RBM6: variants seen among roughly 807,000 people sequenced by gnomAD.
RBM6 encodes the protein RNA binding motif protein 6, also known as RNA-binding protein 6.
RBM6 carries 23 observed loss-of-function variants against 140.4 expected under a neutral mutation model. That is an observed-to-expected ratio of 0.16 (90% confidence interval 0.12 to 0.23). The LOEUF (loss-of-function observed/expected upper bound fraction) is 0.23, where lower values mean the gene tolerates loss of function less well. Ranked by LOEUF, RBM6 falls within the 10% of genes least tolerant of loss-of-function variation. RBM6 has a pLI of 1.00. For missense variants in RBM6, 1,139 were observed against 1,386.7 expected (o/e 0.82, Z 2.84); for synonymous variants, 439 against 475.6 (o/e 0.92, Z 1.00).
chr3:50,075,025 G>C, intron 19 of RBM6, 176 bp from the exon 20 acceptor site: 3 of 654,982 alleles, frequency 4.6e-6, no homozygotes, highest in Non-Finnish European at 7.4e-6. Flanking sequence ...GTGTGGTGGC[G>C]GGCACCTGCA....
intron 6 of RBM6, among the ~76,000 whole-genome samples, chr3:50,000,580 C>T (rs376764747): frequency 7.9e-5 from 12 of 151,860 alleles, no homozygotes; most frequent in African/African-American, 2.4e-4. Flanking sequence ...GCCACCACGC[C>T]GGCTAATTTT....
At chr3:50,021,874 C>T (rs375468589) in intron 6 of RBM6, among the ~76,000 whole-genome samples, 15 of 145,150 alleles carry the variant, frequency 1.0e-4, no homozygotes, top group Non-Finnish European at 2.1e-4. Context: ...CCTGCCTAGC[C>T]GGGTGAGATT....
At chr3:50,017,566 A>G (rs1020980353) in intron 6 of RBM6, among the ~76,000 whole-genome samples, 3 of 152,000 alleles carry the variant, frequency 2.0e-5, no homozygotes, top group Admixed American at 1.3e-4. Context: ...TCAAAAAAAA[A>G]AAAAAGAAAA....
At chr3:49,999,578 G>A in intron 6 of RBM6, 65 bp downstream of exon 6, 1 of 1,164,646 alleles carries the variant, frequency 8.6e-7, no homozygotes, top group Non-Finnish European at 1.3e-6. Flanking sequence ...GGGAGGGAGG[G>A]TTTCAAATGA....
chr3:50,066,182 A>G, intron 16 of RBM6, 60 bp from the exon 17 acceptor site: 3 of 1,524,046 alleles, frequency 2.0e-6, no homozygotes, highest in Non-Finnish European at 2.6e-6. Context: ...GAATATCAAA[A>G]AAAATGGACC....
chr3:50,046,280 CAAA>C (rs1184110898), intron 6 of RBM6, among the ~76,000 whole-genome samples: 3 of 94,592 alleles, frequency 3.2e-5, no homozygotes, highest in Non-Finnish European at 4.3e-5. Context: ...GACTCTGTCT[CAAA>C]AAAAAAAAAA....
chr3:50,020,448 G>T (rs1448056029), intron 6 of RBM6, among the ~76,000 whole-genome samples: 1 of 152,066 alleles, frequency 6.6e-6, no homozygotes, highest in East Asian at 1.9e-4. Flanking sequence ...TAAAGTGGAA[G>T]CTCAGATTAT....
intron 1 of RBM6, among the ~76,000 whole-genome samples, chr3:49,951,468 C>G (rs1259564348): frequency 6.6e-6 from 1 of 151,932 alleles, no homozygotes; most frequent in Non-Finnish European, 1.5e-5. Context: ...GCTCAAGCAT[C>G]AAGCAATCTA....
At chr3:49,974,534 G>A (rs1034849250) in intron 4 of RBM6, among the ~76,000 whole-genome samples, 17 of 151,472 alleles carry the variant, frequency 1.1e-4, no homozygotes, top group African/African-American at 4.1e-4. Flanking sequence ...ACCACGCCTG[G>A]CTAATTTCTT....
intron 6 of RBM6, among the ~76,000 whole-genome samples, chr3:50,008,456 T>G (rs2086685376): frequency 6.6e-6 from 1 of 152,274 alleles, no homozygotes; most frequent in East Asian, 1.9e-4. Flanking sequence ...TAACTTTGGT[T>G]TATGACCTTA....
chr3:49,975,213 CA>C (rs2085009228), intron 4 of RBM6, 109 bp from the exon 5 acceptor site: 2 of 967,176 alleles, frequency 2.1e-6, no homozygotes, highest in Admixed American at 3.9e-5. Flanking sequence ...TTTGCTTTTC[CA>C]AAGTAATCAT....
chr3:50,020,559 T>C (rs1392474968), intron 6 of RBM6, among the ~76,000 whole-genome samples: 2 of 152,222 alleles, frequency 1.3e-5, no homozygotes, highest in Non-Finnish European at 2.9e-5. Flanking sequence ...TGATAAGTTG[T>C]GTTTTTCATT....
At chr3:49,991,429 T>C (rs1191991031) in intron 5 of RBM6, among the ~76,000 whole-genome samples, 6 of 152,234 alleles carry the variant, frequency 3.9e-5, no homozygotes, top group African/African-American at 1.4e-4. Flanking sequence ...CTGAAAGTTC[T>C]GAACTTCTGG....
intron 19 of RBM6, among the ~76,000 whole-genome samples, chr3:50,074,466 C>T (rs1335727925): frequency 3.9e-5 from 6 of 152,148 alleles, no homozygotes; most frequent in East Asian, 1.9e-4. Flanking sequence ...GGATTACAGG[C>T]ATGCGCCACC....
At chr3:50,045,555 A>G (rs1376702311) in intron 6 of RBM6, among the ~76,000 whole-genome samples, 1 of 152,210 alleles carries the variant, frequency 6.6e-6, no homozygotes, top group African/African-American at 2.4e-5. Context: ...ATTTGACAAC[A>G]CAAAGTACTG....
chr3:50,023,066 A>G (rs1215875299), intron 6 of RBM6, among the ~76,000 whole-genome samples: 1 of 152,100 alleles, frequency 6.6e-6, no homozygotes, highest in African/African-American at 2.4e-5. Flanking sequence ...GCCCCACTAC[A>G]TTCCAGCCTG....
intron 4 of RBM6, among the ~76,000 whole-genome samples, chr3:49,973,023 G>GT (rs2084875419): frequency 6.6e-6 from 1 of 152,106 alleles, no homozygotes; most frequent in Admixed American, 6.5e-5. Context: ...TAGAGACGGA[G>GT]TTTCACCACA....
chr3:50,042,043 C>G (rs1274012682), intron 6 of RBM6, among the ~76,000 whole-genome samples: 1 of 152,136 alleles, frequency 6.6e-6, no homozygotes, highest in East Asian at 1.9e-4. Flanking sequence ...TCCATATGCC[C>G]TATTTGTAAG....
intron 5 of RBM6, among the ~76,000 whole-genome samples, chr3:49,987,203 G>A (rs1377161561): frequency 6.6e-6 from 1 of 151,930 alleles, no homozygotes; most frequent in Admixed American, 6.6e-5. Flanking sequence ...CTCCCAAGTA[G>A]CCTCCCAAAG....
Sources: gnomAD v4.1 joint callset for allele counts (sites outside exome capture counted in the v4.1 genomes callset) on GRCh38, gnomAD v4.1.1 for gene constraint, MANE v1.5 for transcripts, NCBI Gene and HGNC (gene_info 2026-07-23, HGNC 2026-07-21) for gene names.